The following XKR4 variants were observed in gnomAD, a reference collection of about 807,000 sequenced individuals.
XKR4 encodes the protein XK-related protein 4.
Under a neutral mutation model 53.9 loss-of-function variants are expected in XKR4, and 12 were observed. That is an observed-to-expected ratio of 0.22 (90% confidence interval 0.14 to 0.36). XKR4 has a LOEUF of 0.36. XKR4 is among the 10% of genes least tolerant of loss of function. The probability of loss-of-function intolerance (pLI) is 1.00; values close to 1 mark genes in which losing one functional copy is unlikely to be tolerated. For missense variants in XKR4, 799 were observed against 859.5 expected, an observed-to-expected ratio of 0.93 and a Z score of 0.88; for synonymous variants, 354 against 362.4, an observed-to-expected ratio of 0.98 and a Z score of 0.26.
intron 2 of XKR4, among the ~76,000 whole-genome samples, chr8:55,442,925 G>C (rs1316460964): frequency 6.6e-6 from 1 of 152,108 alleles, no homozygotes; most frequent in Non-Finnish European, 1.5e-5. Flanking sequence ...ACTTTAAATA[G>C]GTGAATGTAA....
chr8:55,451,069 G>T, intron 2 of XKR4: 1 of 522,642 alleles, frequency 1.9e-6, no homozygotes, highest in East Asian at 4.5e-5. Context: ...TCTCACTGCT[G>T]CAAGGGGTCC....
At chr8:55,257,886 G>A (rs1818463190) in intron 1 of XKR4, among the ~76,000 whole-genome samples, 1 of 152,120 alleles carries the variant, frequency 6.6e-6, no homozygotes, top group African/African-American at 2.4e-5. Flanking sequence ...CACAAATTCT[G>A]TTCTCTCCTC....
rs1054617007 is a variant in XKR4, at chr8:55,249,724, A to G, written c.807-107954A>G. ...GTCAATTAGAAAGATTTTGTTTTCAATAAGCCAATGAGGTAGCCATACTCA... is the reference window on the plus strand; with the variant it reads ...GTCAATTAGAAAGATTTTGTTTTCAGTAAGCCAATGAGGTAGCCATACTCA... On this transcript the variant is annotated intron_variant, in intron 1 of 2. Coordinates refer to ENST00000327381, the MANE Select transcript of XKR4 (RefSeq NM_052898.2). Among the ~76,000 whole-genome samples the G allele has an allele frequency of 8.5e-5, 13 of 152,344 alleles. No homozygotes were observed. In the East Asian group the frequency reaches 9.6e-4, roughly 11 times the overall value.
rs957718674 is a variant in XKR4 at position 55,528,524 on chromosome 8, CAT to C, written c.*4300_*4301del. On this transcript the variant is annotated 3_prime_UTR_variant, in exon 3 of 3. Transcript: ENST00000327381. Reference sequence around the variant, plus strand: ...AATATATGCTCCCTTGCATTTTCCACATATCTTTGCCATTAGCCATTGCTGTT... The same window carrying C: ...AATATATGCTCCCTTGCATTTTCCACATCTTTGCCATTAGCCATTGCTGTT... 3.9e-5 allele frequency: 6 copies of C among 152,216 alleles called. No homozygotes were observed. The highest frequency in any genetic ancestry group is 1.4e-4 in the African/African-American group (6 of 41,452). The allele number at this position is 152,216 out of a possible 1,614,324, so 9.4% of individuals were successfully genotyped here. A position where few individuals can be genotyped will look rare whatever the true frequency, so the allele number is the denominator to read the frequency against.
intron 2 of XKR4, among the ~76,000 whole-genome samples, chr8:55,382,826 C>A (rs1398880305): frequency 6.6e-6 from 1 of 152,020 alleles, no homozygotes; most frequent in African/African-American, 2.4e-5. Context: ...CCAAAATATT[C>A]TTATGGATAG....
Position 55,409,246 on chromosome 8 carries a change from G to T in XKR4, c.1006+51369G>T, listed in dbSNP as rs1352367954. Among the ~76,000 whole-genome samples, 3 of 147,910 alleles carry T rather than the reference G, an allele frequency of 2.0e-5. No individual in the cohort carries two copies. The East Asian group carries it at 6.0e-4, about 30-fold the overall frequency. On this transcript the variant is annotated intron_variant, in intron 2 of 2. Coordinates refer to ENST00000327381, the MANE Select transcript of XKR4 (RefSeq NM_052898.2). ...GCAGGCAGCAAGCAGGCACCTGCCT[G>T]CCCTAGCTCTACACTAGAGTTTCTT... is the stretch of plus-strand genomic sequence containing the variant.
intron 1 of XKR4, among the ~76,000 whole-genome samples, chr8:55,330,325 T>G (rs1460395579): frequency 6.6e-6 from 1 of 152,118 alleles, no homozygotes; most frequent in Non-Finnish European, 1.5e-5. Context: ...TAAGACTCAG[T>G]TTCCTCACCT....
rs923107471 is a variant in XKR4, at chr8:55,524,464, C to T, written c.*237C>T. The T allele has an allele frequency of 2.7e-5, 15 of 550,870 alleles. No individual in the cohort carries two copies. The highest frequency in any genetic ancestry group is 4.5e-5 in the Non-Finnish European group (14 of 311,124). 34.1% of individuals were successfully genotyped at this position (550,870 alleles called of 1,614,324 possible). A position where few individuals can be genotyped will look rare whatever the true frequency, so the allele number is the denominator to read the frequency against. The stretch of plus-strand genomic sequence containing the variant: ...ATGACGCTGGCTTAATAGGACTCTC[C>T]ATTGCTACCAAACTCCTCCTGCACG... On this transcript the variant is annotated 3_prime_UTR_variant, in exon 3 of 3. Transcript: ENST00000327381.
In XKR4 at chr8:55,526,484, G is replaced by A. The variant is rs1806884471; in HGVS notation, c.*2257G>A. ...TTACCTAGTCACCAGTAAAGGCCCA[G>A]GAAAAGGCTCTTCTTGTCAGCACAT... On this transcript the variant is annotated 3_prime_UTR_variant, in exon 3 of 3. Transcript: ENST00000327381. 1 of 152,188 alleles carries A rather than the reference G, an allele frequency of 6.6e-6. No individual in the cohort carries two copies. The highest frequency in any genetic ancestry group is 2.1e-4 in the South Asian group (1 of 4,834). The allele number at this position is 152,188 out of a possible 1,614,324, so 9.4% of individuals were successfully genotyped here.
intron 1 of XKR4, among the ~76,000 whole-genome samples, chr8:55,213,856 C>CTTTCT (rs1817762917): frequency 1.2e-5 from 1 of 82,348 alleles, no homozygotes; most frequent in African/African-American, 5.0e-5. Context: ...TTCTTTCTTT[C>CTTTCT]TTTTTTTTTT....
At chr8:55,469,403 T>C (rs1197655431) in intron 2 of XKR4, among the ~76,000 whole-genome samples, 1 of 152,140 alleles carries the variant, frequency 6.6e-6, no homozygotes, top group Non-Finnish European at 1.5e-5. Flanking sequence ...AGATCCTTGC[T>C]ATTAATATTT....
chr8:55,503,927 G>T (rs1364178213), intron 2 of XKR4, among the ~76,000 whole-genome samples: 1 of 151,900 alleles, frequency 6.6e-6, no homozygotes, highest in East Asian at 1.9e-4. Flanking sequence ...GTTAAATTTT[G>T]TCAAATGCTT....
intron 2 of XKR4, among the ~76,000 whole-genome samples, chr8:55,387,369 G>C (rs376071577): frequency 2.0e-5 from 3 of 152,182 alleles, no homozygotes; most frequent in East Asian, 3.9e-4. Flanking sequence ...CATTGGTTTT[G>C]ACAGTGCCCT....
At chr8:55,282,033 G>C (rs926039062) in intron 1 of XKR4, among the ~76,000 whole-genome samples, 10 of 152,206 alleles carry the variant, frequency 6.6e-5, no homozygotes, top group African/African-American at 2.4e-4. Context: ...GAAGTGATTA[G>C]GCAGTCAAGT....
At chr8:55,413,691 A>G (rs554851373) in intron 2 of XKR4, among the ~76,000 whole-genome samples, 3 of 152,084 alleles carry the variant, frequency 2.0e-5, no homozygotes, top group Non-Finnish European at 2.9e-5. Context: ...TTTTTTCTTG[A>G]TGTGTATAAT....
chr8:55,299,873 G>C lies in XKR4; in HGVS notation c.807-57805G>C, dbSNP rs186607133. Among the ~76,000 whole-genome samples, 150 of 152,236 alleles carry C rather than the reference G, an allele frequency of 9.9e-4. 1 individual carries two copies. Among genetic ancestry groups the C allele is most frequent in the African/African-American group, 3.4e-3 (142 of 41,538 alleles). ...CTCTGTGGGACATCCAAGGGTTGCTGTGTTCCAGGACCTGAGGAGGGAGAT... is the reference window on the plus strand; with the variant it reads ...CTCTGTGGGACATCCAAGGGTTGCTCTGTTCCAGGACCTGAGGAGGGAGAT... On this transcript the variant is annotated intron_variant, in intron 1 of 2. Coordinates refer to ENST00000327381, the MANE Select transcript of XKR4 (RefSeq NM_052898.2).
intron 2 of XKR4, among the ~76,000 whole-genome samples, chr8:55,478,719 T>C (rs1366707125): frequency 6.6e-6 from 1 of 151,494 alleles, no homozygotes; most frequent in Non-Finnish European, 1.5e-5. Context: ...ACCAAGCAAA[T>C]GGAAAACAAA....
intron 2 of XKR4, among the ~76,000 whole-genome samples, chr8:55,487,666 A>T (rs966949195): frequency 2.0e-5 from 3 of 152,090 alleles, no homozygotes; most frequent in African/African-American, 7.2e-5. Flanking sequence ...ATGGGGTTTC[A>T]CCATGTTGGC....
chr8:55,282,977 A>G (rs1818861830), intron 1 of XKR4, among the ~76,000 whole-genome samples: 1 of 152,134 alleles, frequency 6.6e-6, no homozygotes, highest in East Asian at 1.9e-4. Context: ...TCTTATATTG[A>G]GACATATTCA....
Sources: allele counts gnomAD v4.1 joint callset (sites outside exome capture counted in the v4.1 genomes callset), GRCh38; gene constraint gnomAD v4.1.1; transcripts MANE v1.5; gene names NCBI Gene and HGNC (gene_info 2026-07-23, HGNC 2026-07-21).